The following USP7 variants were observed in gnomAD, a reference collection of about 807,000 sequenced individuals.
USP7 encodes the protein ubiquitin C-terminal hydrolase 7.
In USP7, 9 loss-of-function variants were observed where a neutral mutation model predicts 162.9. The ratio of observed to expected loss-of-function variants is 0.06; its 90% CI spans 0.03 to 0.10. The LOEUF (loss-of-function observed/expected upper bound fraction) is 0.10. Ranked by LOEUF, USP7 falls within the 10% of genes least tolerant of loss-of-function variation. The pLI is 1.00. For synonymous variants in USP7, 562 were observed against 475.9 expected, an observed-to-expected ratio of 1.18 and a Z score of -2.35; for missense variants, 715 against 1,373.7, an observed-to-expected ratio of 0.52 and a Z score of 7.58.
intron 1 of USP7, chr16:8,936,861 G>C: frequency 2.5e-6 from 2 of 800,892 alleles, no homozygotes; most frequent in Non-Finnish European, 3.3e-6. Context: ...TCTGACTTTG[G>C]TTAACAACAT....
intron 30 of USP7, among the ~76,000 whole-genome samples, 158 bp downstream of exon 30, chr16:8,894,392 C>T (rs2061649680): frequency 2.0e-5 from 3 of 152,174 alleles, no homozygotes; most frequent in Non-Finnish European, 4.4e-5. Context: ...CTGTTAAGAA[C>T]TCGTAGGTTA....
chr16:8,906,343 G>C (rs113213518), intron 13 of USP7, 83 bp downstream of exon 13: 14 of 1,484,712 alleles, frequency 9.4e-6, no homozygotes, highest in South Asian at 5.6e-5. Context: ...ACAAGGTTCC[G>C]AGTAGGAACC....
rs748841887 is a variant in USP7 at position 8,892,591 on chromosome 16, T to C, written c.*1407A>G. On this transcript the variant is annotated 3_prime_UTR_variant, in exon 31 of 31. Coordinates refer to ENST00000344836, the MANE Select transcript of USP7 (RefSeq NM_003470.3). ...ACCTTTCATTTCTTAAGAGTAAATG[T>C]GACTAGTTAGAGGCTAAAAAAAAAA... 1 of 125,648 alleles carries C rather than the reference T, an allele frequency of 8.0e-6. No individual in the cohort carries two copies. Among genetic ancestry groups the C allele is most frequent in the Non-Finnish European group, 1.6e-5 (1 of 62,888 alleles). The allele number at this position is 125,648 out of a possible 1,614,324, so 7.8% of individuals were successfully genotyped here.
chr16:8,923,442 G>A, intron 2 of USP7, 29 bp from the exon 3 acceptor site: 3 of 1,611,694 alleles, frequency 1.9e-6, no homozygotes, highest in Non-Finnish European at 2.5e-6. Flanking sequence ...ATCAGTCACA[G>A]AGCCTGTGCA....
intron 4 of USP7, among the ~76,000 whole-genome samples, 153 bp downstream of exon 4, chr16:8,921,004 A>G (rs1248211781): frequency 1.3e-5 from 2 of 152,274 alleles, no homozygotes; most frequent in Non-Finnish European, 2.9e-5. Flanking sequence ...GTAAGATACG[A>G]AACTGGAGAA....
At chr16:8,949,139 T>C (rs1202570879) in intron 1 of USP7, among the ~76,000 whole-genome samples, 1 of 152,218 alleles carries the variant, frequency 6.6e-6, no homozygotes, top group Non-Finnish European at 1.5e-5. Flanking sequence ...CCACTTTAAA[T>C]GGGTGAATTG....
chr16:8,896,950 A>C (rs777901881), intron 26 of USP7, 49 bp downstream of exon 26: 1 of 1,445,272 alleles, frequency 6.9e-7, no homozygotes, highest in South Asian at 1.1e-5. Context: ...GTCAGCGTTA[A>C]CTGCCACCCC....
At chr16:8,895,551 A>G in intron 27 of USP7, 91 bp downstream of exon 27, 2 of 1,091,154 alleles carry the variant, frequency 1.8e-6, no homozygotes, top group South Asian at 2.7e-5. Context: ...ACACAAATCA[A>G]GCTACTTGTA....
At position 8,926,061 on chromosome 16, in the gene USP7, G is replaced by C. The variant is rs150281325; in HGVS notation, c.185-2648C>G. ...CCCAGCTACTAGGGAGGCTGAGGCA[G>C]GAGAATGGCGTGAACCCGGGAGGCG... On this transcript the variant is annotated intron_variant, in intron 2 of 30. Transcript: ENST00000344836. Among the ~76,000 whole-genome samples, 706 of 152,132 alleles carry C rather than the reference G, an allele frequency of 4.6e-3. 5 individuals carry two copies. The highest frequency in any genetic ancestry group is 0.016 in the African/African-American group (672 of 41,494).
chr16:8,902,292 G>A, intron 17 of USP7, 89 bp downstream of exon 17: 1 of 1,575,178 alleles, frequency 6.3e-7, no homozygotes, highest in Non-Finnish European at 8.7e-7. Context: ...CTAGTTAAGT[G>A]GACCAAAAGG....
chr16:8,896,353 C>T (rs1359327194), intron 26 of USP7, among the ~76,000 whole-genome samples: 1 of 151,986 alleles, frequency 6.6e-6, no homozygotes, highest in Non-Finnish European at 1.5e-5. Context: ...CTGATAGTGG[C>T]GTTTTCCTCG....
intron 1 of USP7, among the ~76,000 whole-genome samples, chr16:8,948,065 G>A (rs1899367085): frequency 6.6e-6 from 1 of 152,194 alleles, no homozygotes; most frequent in African/African-American, 2.4e-5. Context: ...TGCATGCCCT[G>A]CAGACGTCAG....
At chr16:8,909,798 C>T (rs913493267) in intron 11 of USP7, among the ~76,000 whole-genome samples, 5 of 151,890 alleles carry the variant, frequency 3.3e-5, no homozygotes, top group East Asian at 3.9e-4. Context: ...TAGTGGCGGG[C>T]GCCTGTAGTC....
chr16:8,914,113 A>C (rs1229956666), intron 10 of USP7, among the ~76,000 whole-genome samples: 2 of 152,092 alleles, frequency 1.3e-5, no homozygotes, highest in South Asian at 2.1e-4. Context: ...GCCAATACTA[A>C]AATTGTTAAA....
intron 8 of USP7, 88 bp downstream of exon 8, chr16:8,916,414 T>C: frequency 1.6e-6 from 1 of 644,928 alleles, no homozygotes. Context: ...TTTTCTGAAT[T>C]AGGTCTGAGG....
chr16:8,902,309 A>T (rs1173018827), intron 17 of USP7, 72 bp downstream of exon 17: 1 of 1,570,966 alleles, frequency 6.4e-7, no homozygotes, highest in African/African-American at 1.4e-5. Context: ...AAGGGAAACA[A>T]GCTGCACTAA....
intron 1 of USP7, among the ~76,000 whole-genome samples, chr16:8,932,813 T>C (rs752759791): frequency 3.3e-5 from 5 of 152,104 alleles, no homozygotes; most frequent in Non-Finnish European, 7.3e-5. Flanking sequence ...TAGTGCCTTA[T>C]CTGCGACATT....
At chr16:8,927,182 C>T (rs1596387041) in intron 2 of USP7, among the ~76,000 whole-genome samples, 3 of 151,872 alleles carry the variant, frequency 2.0e-5, no homozygotes, top group African/African-American at 7.3e-5. Flanking sequence ...ATTAGCCAGG[C>T]GTGGTGGCAA....
At chr16:8,933,568 T>C (rs1184483363) in intron 1 of USP7, among the ~76,000 whole-genome samples, 2 of 152,100 alleles carry the variant, frequency 1.3e-5, no homozygotes, top group Non-Finnish European at 2.9e-5. Context: ...ATAGAAGCAA[T>C]GTAGTTTCTT....
Sources: allele counts gnomAD v4.1 joint callset (sites outside exome capture counted in the v4.1 genomes callset), GRCh38; gene constraint gnomAD v4.1.1; transcripts MANE v1.5; gene names NCBI Gene and HGNC (gene_info 2026-07-23, HGNC 2026-07-21).